ENO2: variants seen among roughly 807,000 people sequenced by gnomAD.
The protein encoded by ENO2 is enolase 2, also known as gamma-enolase.
A neutral mutation model predicts 48.7 loss-of-function variants in ENO2; 19 were observed. That is an observed-to-expected ratio of 0.39 (90% CI 0.27 to 0.57). ENO2 has a LOEUF of 0.57. ENO2 is among the 20% of genes least tolerant of loss of function. The pLI, the probability that ENO2 is intolerant of heterozygous loss-of-function variation, is 0.58. For missense variants in ENO2, 416 were observed against 555.0 expected (o/e 0.75, Z 2.52); for synonymous variants, 198 against 213.4 (o/e 0.93, Z 0.63).
rs1945302695 is a variant in ENO2, at chr12:6,917,561, C to A, written c.311-20C>A. 2 of 1,607,084 alleles carry A rather than the reference C, an allele frequency of 1.2e-6. No homozygotes were observed. The highest frequency in any genetic ancestry group is 1.3e-5 in the African/African-American group (1 of 74,848). ...GAGAAGGGGACATTGTGCTCAGCACCTTCCTCTATAATCTCCTAGCCAAGT... is the reference window on the plus strand; with the variant it reads ...GAGAAGGGGACATTGTGCTCAGCACATTCCTCTATAATCTCCTAGCCAAGT... On this transcript the variant is annotated intron_variant, in intron 5 of 11. Transcript: ENST00000229277.
In ENO2 at chr12:6,917,945, C is replaced by T. The variant is rs2230258; in HGVS notation, c.450C>T (p.Phe150=). Residue 150 remains phenylalanine, a synonymous_variant, in exon 7 of 12, where the codon TTC becomes TTT. Transcript: ENST00000229277. ...GTCTTTCTGTGGCTCCCCAGGCCTT[C>T]AACGTGATCAATGGTGGCTCTCATG... ...NSDLILPVPA[F]NVINGGSHAG... The T allele has an allele frequency of 2.5e-4, 398 of 1,614,046 alleles. 3 individuals are homozygous for T. In the East Asian group the frequency reaches 6.0e-3, roughly 24 times the overall value.
At chr12:6,915,698 AC>A (rs1945283811) in intron 1 of ENO2, 122 bp from the exon 2 acceptor site, 4 of 109,330 alleles carry the variant, frequency 3.7e-5, no homozygotes, top group South Asian at 1.5e-4. Flanking sequence ...CTCCCTACCC[AC>A]CCCCCACCCA....
rs781900194 is a variant in ENO2, at chr12:6,918,030, C to G, written c.535C>G (p.Arg179Gly). ...MILPVGAESF[R>G]DAMRLGAEVY... is the part of the protein sequence containing the mutation. ...CCTCCCAGTGGGAGCTGAGAGCTTT[C>G]GGGATGCCATGCGACTAGGTGCAGA... The change falls in exon 7 of 12, where the codon CGG (arginine) becomes GGG (glycine). Residue 179 changes from arginine to glycine, a missense_variant. Physicochemically the swap from Arg to Gly is moderately radical, Grantham distance 125. Coordinates refer to ENST00000229277, the MANE Select transcript of ENO2 (RefSeq NM_001975.3). 3 of 1,614,118 alleles carry G rather than the reference C, an allele frequency of 1.9e-6. No homozygotes were observed. Among genetic ancestry groups the G allele is most frequent in the Non-Finnish European group, 2.5e-6 (3 of 1,180,012 alleles).
At position 6,917,994 on chromosome 12, in the gene ENO2, G is replaced by C; in HGVS notation, c.499G>C (p.Glu167Gln). The change falls in exon 7 of 12, where the codon GAG becomes CAG. Residue 167 changes from glutamate to glutamine, a missense_variant. Physicochemically the swap from Glu to Gln is conservative, Grantham distance 29. Coordinates refer to ENST00000229277, the MANE Select transcript of ENO2 (RefSeq NM_001975.3). ...TGCTGGCAACAAGCTGGCCATGCAG[G>C]AGTTCATGATCCTCCCAGTGGGAGC... ...SHAGNKLAMQEFMILPVGAES... is the reference protein window; with the variant it reads ...SHAGNKLAMQQFMILPVGAES... The C allele has an allele frequency of 6.2e-7, 1 of 1,614,160 alleles. No homozygotes were observed. The highest frequency in any genetic ancestry group is 8.5e-7 in the Non-Finnish European group (1 of 1,180,022).
At chr12:6,919,862 G>A (rs1945324409) in intron 8 of ENO2, 99 bp downstream of exon 8, 2 of 1,331,134 alleles carry the variant, frequency 1.5e-6, no homozygotes, top group Non-Finnish European at 2.1e-6. Flanking sequence ...ACCAGGTGGG[G>A]GTGTCCTAAG....
intron 8 of ENO2, among the ~76,000 whole-genome samples, chr12:6,920,423 G>C (rs1203459801): frequency 2.0e-5 from 3 of 148,832 alleles, no homozygotes; most frequent in Non-Finnish European, 4.5e-5. Flanking sequence ...TTTTGAGACA[G>C]AGTTTGACTC....
In ENO2 at chr12:6,917,592, G is replaced by A. The variant is rs201738959; in HGVS notation, c.322G>A (p.Ala108Thr). 195 of 1,612,876 alleles carry A rather than the reference G, an allele frequency of 1.2e-4. No homozygotes were observed. Among genetic ancestry groups the A allele is most frequent in the Middle Eastern group, 3.3e-4 (2 of 6,080 alleles). ...CTATAATCTCCTAGCCAAGTTTGGGGCCAATGCCATCCTGGGTGTGTCTCT... is the reference window on the plus strand; with the variant it reads ...CTATAATCTCCTAGCCAAGTTTGGGACCAATGCCATCCTGGGTGTGTCTCT... ...DGTENKSKFG[A>T]NAILGVSLAV... Residue 108 changes from alanine (A) to threonine (T), a missense_variant, in exon 6 of 12, where the codon GCC becomes ACC. Physicochemically the swap from Ala to Thr is moderately conservative, Grantham distance 58. Coordinates refer to ENST00000229277, the MANE Select transcript of ENO2 (RefSeq NM_001975.3).
chr12:6,922,684 A>T lies in ENO2; in HGVS notation c.1236-47A>T. Reference sequence around the variant, plus strand: ...GGGGACCCCTAGAGAGAGAAGCAGGATCCTCCTGCATCCCTGACCACTTCC... The same window carrying T: ...GGGGACCCCTAGAGAGAGAAGCAGGTTCCTCCTGCATCCCTGACCACTTCC... On this transcript the variant is annotated intron_variant, in intron 11 of 11. Coordinates refer to ENST00000229277, the MANE Select transcript of ENO2 (RefSeq NM_001975.3). This position sits in a 1 kb window ranked among gnomAD's most constrained non-coding sequence, Gnocchi z 5.3. The T allele has an allele frequency of 1.2e-6, 2 of 1,609,580 alleles. No individual in the cohort carries two copies. Among genetic ancestry groups the T allele is most frequent in the Non-Finnish European group, 1.7e-6 (2 of 1,176,152 alleles).
intron 1 of ENO2, 44 bp from the exon 2 acceptor site, chr12:6,915,777 C>T: frequency 5.3e-6 from 8 of 1,500,804 alleles, no homozygotes; most frequent in Non-Finnish European, 7.3e-6. Flanking sequence ...CTCCACCCCT[C>T]TAAGCCTCTT....
In ENO2 at chr12:6,922,060, A is replaced by C; in HGVS notation, c.1072A>C (p.Lys358Gln). 2 of 1,614,130 alleles carry C rather than the reference A, an allele frequency of 1.2e-6. No homozygotes were observed. The highest frequency in any genetic ancestry group is 1.7e-6 in the Non-Finnish European group (2 of 1,180,032). Reference protein sequence around the residue: ...GSVTEAIQACKLAQENGWGVM... With the variant: ...GSVTEAIQACQLAQENGWGVM... ...CAGTGCTGTGTGTGGATACAGGTGC[A>C]AGCTGGCCCAGGAGAATGGCTGGGG... is the stretch of plus-strand genomic sequence containing the variant. The change falls in exon 10 of 12, where the codon AAG (lysine) becomes CAG (glutamine). Residue 358 changes from lysine (K) to glutamine (Q), a missense_variant. By Grantham distance (53) the Lys-to-Gln change is moderately conservative. Transcript: ENST00000229277. The surrounding 1 kb of genome is among the most constrained non-coding windows in gnomAD (Gnocchi z 5.3).
chr12:6,920,379 G>C (rs1945329259), intron 8 of ENO2, among the ~76,000 whole-genome samples: 1 of 132,972 alleles, frequency 7.5e-6, no homozygotes, highest in Admixed American at 7.9e-5. Flanking sequence ...TTTTGGGGGG[G>C]GGGTGGGGTT....
chr12:6,917,475 G>A, intron 5 of ENO2, 106 bp from the exon 6 acceptor site: 1 of 1,468,242 alleles, frequency 6.8e-7, no homozygotes, highest in Non-Finnish European at 9.1e-7. Context: ...TGGGGAGGGA[G>A]GAGGGGGTCT....
At chr12:6,919,899 G>A (rs1469088633) in intron 8 of ENO2, 136 bp downstream of exon 8, 22 of 878,050 alleles carry the variant, frequency 2.5e-5, no homozygotes, top group South Asian at 3.4e-5. Context: ...GGGAGAGGGT[G>A]CAGGAGCCAC....
Position 6,921,759 on chromosome 12 carries a change from C to G in ENO2, c.1044C>G (p.Gly348=). Residue 348 remains glycine, a synonymous_variant, in exon 9 of 12, where the codon GGC becomes GGG. Coordinates refer to ENST00000229277, the MANE Select transcript of ENO2 (RefSeq NM_001975.3). ...TGCTGCTCAAGGTCAACCAGATCGGCTCGGTCACTGAAGCCATCCAAGCGT... is the reference window on the plus strand; with the variant it reads ...TGCTGCTCAAGGTCAACCAGATCGGGTCGGTCACTGAAGCCATCCAAGCGT... ...NCLLLKVNQI[G]SVTEAIQACK... is the part of the protein sequence containing the mutation. 15 of 1,614,160 alleles carry G rather than the reference C, an allele frequency of 9.3e-6. No homozygotes were observed. The highest frequency in any genetic ancestry group is 1.2e-5 in the Non-Finnish European group (14 of 1,180,034).
At chr12:6,921,064 C>G (rs1945336689) in intron 8 of ENO2, among the ~76,000 whole-genome samples, 2 of 152,166 alleles carry the variant, frequency 1.3e-5, no homozygotes, top group African/African-American at 4.8e-5. Context: ...CAGGCATGAG[C>G]CACTGTGCCT....
rs1945354967 is a variant in ENO2, at chr12:6,922,923, T to C, written c.*123T>C. ...CCCAGGGTGCCCAGAACTTCCCTGA[T>C]TGACCTGCTCCGCTGCTCCTTGGCT... is the stretch of plus-strand genomic sequence containing the variant. On this transcript the variant is annotated 3_prime_UTR_variant, in exon 12 of 12. Coordinates refer to ENST00000229277, the MANE Select transcript of ENO2 (RefSeq NM_001975.3). This position sits in a 1 kb window ranked among gnomAD's most constrained non-coding sequence, Gnocchi z 5.3. The C allele has an allele frequency of 3.9e-6, 4 of 1,016,250 alleles. No homozygotes were observed. The South Asian group carries it at 5.4e-5, about 14-fold the overall frequency. 63.0% of individuals were successfully genotyped at this position (1,016,250 alleles called of 1,614,324 possible). A position where few individuals can be genotyped will look rare whatever the true frequency, so the allele number is the denominator to read the frequency against.
chr12:6,919,906 C>A, intron 8 of ENO2, 143 bp downstream of exon 8: 1 of 809,398 alleles, frequency 1.2e-6, no homozygotes, highest in Non-Finnish European at 1.9e-6. Context: ...GGTGCAGGAG[C>A]CACCTGCAAA....
chr12:6,922,639 G>A lies in ENO2; in HGVS notation c.1236-92G>A, dbSNP rs1945350744. 7 of 1,464,828 alleles carry A rather than the reference G, an allele frequency of 4.8e-6. No individual in the cohort carries two copies. Among genetic ancestry groups the A allele is most frequent in the South Asian group, 1.1e-5 (1 of 87,248 alleles). The allele number at this position is 1,464,828 out of a possible 1,614,324, so 90.7% of individuals were successfully genotyped here. ...GGGGCAGGACACAAAAGCAGGTGGT[G>A]TGGGGGTGGTTGGAGTCTGGGGGAC... is the stretch of plus-strand genomic sequence containing the variant. On this transcript the variant is annotated intron_variant, in intron 11 of 11. Transcript: ENST00000229277. The surrounding 1 kb of genome is among the most constrained non-coding windows in gnomAD (Gnocchi z 5.3).
Position 6,921,753 on chromosome 12 carries a change from G to T in ENO2, c.1038G>T (p.Gln346His). 1 of 1,614,172 alleles carries T rather than the reference G, an allele frequency of 6.2e-7. No individual in the cohort carries two copies. Among genetic ancestry groups the T allele is most frequent in the Non-Finnish European group, 8.5e-7 (1 of 1,180,032 alleles). ...ACTGTCTGCTGCTCAAGGTCAACCA[G>T]ATCGGCTCGGTCACTGAAGCCATCC... ...ACNCLLLKVN[Q>H]IGSVTEAIQA... The change falls in exon 9 of 12, where the codon CAG becomes CAT. Residue 346 changes from glutamine (Q) to histidine (H), a missense_variant. By Grantham distance (24) the Gln-to-His change is conservative (BLOSUM62 0). Coordinates refer to ENST00000229277, the MANE Select transcript of ENO2 (RefSeq NM_001975.3).
Sources: gnomAD v4.1 joint callset for allele counts (sites outside exome capture counted in the v4.1 genomes callset) on GRCh38, gnomAD v4.1.1 for gene constraint, Gnocchi (gnomAD v3.1) non-coding constraint, MANE v1.5 for transcripts, NCBI Gene and HGNC (gene_info 2026-07-23, HGNC 2026-07-21) for gene names.